The following LRRC4C variants were observed in gnomAD, a reference collection of about 807,000 sequenced individuals.
The protein encoded by LRRC4C is leucine rich repeat containing 4C, also known as leucine-rich repeat-containing protein 4C.
In LRRC4C, 5 loss-of-function variants were observed where a neutral mutation model predicts 33.6. The ratio of observed to expected loss-of-function variants is 0.15; its 90% CI spans 0.08 to 0.31. The LOEUF (loss-of-function observed/expected upper bound fraction) is 0.31, where lower values mean the gene tolerates loss of function less well. Ranked by LOEUF, LRRC4C falls within the 10% of genes least tolerant of loss-of-function variation. LRRC4C has a pLI of 1.00. For synonymous variants in LRRC4C, 329 were observed against 302.0 expected, an observed-to-expected ratio of 1.09 and a Z score of -0.93; for missense variants, 560 against 796.7, an observed-to-expected ratio of 0.70 and a Z score of 3.58.
intron 4 of LRRC4C, among the ~76,000 whole-genome samples, chr11:40,300,346 C>T (rs1443312865): frequency 5.3e-5 from 8 of 152,126 alleles, no homozygotes; most frequent in African/African-American, 1.4e-4. Flanking sequence ...GCTTCATGAA[C>T]GTGGATGTAG....
rs1433492162 is a variant in LRRC4C, at chr11:40,982,774, AT to A, written c.-495-49052del. On this transcript the variant is annotated intron_variant, in intron 1 of 6. Transcript: ENST00000528697. Reference sequence around the variant, plus strand: ...CTATAGATTATTTCATCAACCCAGTATTAAGCCTCGTATCCATTAGTTATTT... The same window carrying A: ...CTATAGATTATTTCATCAACCCAGTATAAGCCTCGTATCCATTAGTTATTT... 7.3e-4 allele frequency among the ~76,000 whole-genome samples: 111 copies of A among 152,224 alleles called. 1 individual carries two copies. Among genetic ancestry groups the A allele is most frequent in the African/African-American group, 2.5e-3 (103 of 41,542 alleles).
rs187796468 is a variant in LRRC4C at position 40,913,296 on chromosome 11, A to G, written c.-407+20339T>C. ...TTCCAAAATTGACCAAATACTTGGA[A>G]GTAAAGCACTCCTCAGCAAATGTAA... On this transcript the variant is annotated intron_variant, in intron 2 of 6. Transcript: ENST00000528697. Among the ~76,000 whole-genome samples, 3 of 152,346 alleles carry G rather than the reference A, an allele frequency of 2.0e-5. No homozygotes were observed. In the East Asian group the frequency reaches 5.8e-4, roughly 29 times the overall value.
intron 2 of LRRC4C, among the ~76,000 whole-genome samples, chr11:40,860,328 A>G (rs759928327): frequency 6.6e-6 from 1 of 152,136 alleles, no homozygotes; most frequent in African/African-American, 2.4e-5. Context: ...CCACCAGCCG[A>G]GTAAGTTACA....
At chr11:40,249,103 G>A (rs553065917) in intron 4 of LRRC4C, among the ~76,000 whole-genome samples, 28 of 152,174 alleles carry the variant, frequency 1.8e-4, no homozygotes, top group African/African-American at 4.6e-4. Context: ...TTTGGGAGGC[G>A]GAGGCCAGTG....
intron 3 of LRRC4C, among the ~76,000 whole-genome samples, chr11:40,605,640 A>G (rs1314152988): frequency 1.3e-5 from 2 of 152,094 alleles, no homozygotes; most frequent in Admixed American, 6.5e-5. Flanking sequence ...ACATATGCCC[A>G]TTTTTCAGAA....
intron 2 of LRRC4C, among the ~76,000 whole-genome samples, chr11:40,768,408 C>A (rs898246535): frequency 2.0e-5 from 3 of 152,034 alleles, no homozygotes; most frequent in African/African-American, 7.2e-5. Context: ...TAATACCAAT[C>A]CTACTCAAAC....
At chr11:41,159,819 G>A (rs567932498) in intron 1 of LRRC4C, among the ~76,000 whole-genome samples, 2 of 152,174 alleles carry the variant, frequency 1.3e-5, no homozygotes, top group South Asian at 2.1e-4. Context: ...AAACAATGCC[G>A]CACCTAGTCA....
chr11:40,506,030 C>A (rs1955018324), intron 3 of LRRC4C, among the ~76,000 whole-genome samples: 1 of 152,122 alleles, frequency 6.6e-6, no homozygotes, highest in Non-Finnish European at 1.5e-5. Flanking sequence ...AAGGTTCAAA[C>A]TACAGACTTA....
chr11:40,526,935 G>C (rs1016449252), intron 3 of LRRC4C, among the ~76,000 whole-genome samples: 2 of 152,084 alleles, frequency 1.3e-5, no homozygotes, highest in African/African-American at 4.8e-5. Flanking sequence ...AGTGAATACA[G>C]GAATAAATCT....
intron 3 of LRRC4C, among the ~76,000 whole-genome samples, chr11:40,621,384 G>C (rs1322281150): frequency 6.6e-6 from 1 of 151,548 alleles, no homozygotes; most frequent in Non-Finnish European, 1.5e-5. Context: ...AACTATTTCT[G>C]GTTGCCTAGA....
intron 3 of LRRC4C, among the ~76,000 whole-genome samples, chr11:40,499,142 G>C (rs775267373): frequency 6.6e-6 from 1 of 152,170 alleles, no homozygotes; most frequent in Non-Finnish European, 1.5e-5. Context: ...CTGCTGGAGA[G>C]AGGATGGGAA....
intron 1 of LRRC4C, among the ~76,000 whole-genome samples, chr11:41,075,025 T>TC (rs1565359450): frequency 8.3e-5 from 1 of 12,014 alleles, no homozygotes; most frequent in Admixed American, 1.2e-3. Context: ...TTTTTTTTTT[T>TC]TTTTTTTTTT....
intron 1 of LRRC4C, among the ~76,000 whole-genome samples, chr11:40,947,181 G>T (rs987670170): frequency 6.6e-6 from 1 of 152,084 alleles, no homozygotes; most frequent in Non-Finnish European, 1.5e-5. Flanking sequence ...AATCATGTAT[G>T]ACTTTTTTAT....
chr11:41,362,277 T>C (rs141256625), intron 1 of LRRC4C, among the ~76,000 whole-genome samples: 1 of 152,154 alleles, frequency 6.6e-6, no homozygotes, highest in East Asian at 1.9e-4. Context: ...ATTTTCTCAA[T>C]CTTTGTGCTA....
chr11:40,991,650 T>TG (rs1345572993), intron 1 of LRRC4C, among the ~76,000 whole-genome samples: 1 of 152,204 alleles, frequency 6.6e-6, no homozygotes, highest in African/African-American at 2.4e-5. Context: ...CAGTCCCATC[T>TG]GGGGGTGATG....
At chr11:40,303,865 G>GCTTT (rs1295403431) in intron 4 of LRRC4C, among the ~76,000 whole-genome samples, 2 of 152,084 alleles carry the variant, frequency 1.3e-5, no homozygotes, top group Non-Finnish European at 2.9e-5. Flanking sequence ...CTGATGAAGT[G>GCTTT]CTTTCAGGTA....
chr11:40,258,304 C>A (rs983828635), intron 4 of LRRC4C, among the ~76,000 whole-genome samples: 8 of 152,114 alleles, frequency 5.3e-5, no homozygotes, highest in African/African-American at 1.2e-4. Flanking sequence ...AACAGTCCAC[C>A]TCAAAAAACA....
intron 3 of LRRC4C, among the ~76,000 whole-genome samples, chr11:40,527,758 T>C (rs996438057): frequency 1.2e-4 from 18 of 150,832 alleles, no homozygotes; most frequent in Non-Finnish European, 4.4e-5. Context: ...AGAAGATAAT[T>C]TTTTTTTTTG....
intron 2 of LRRC4C, among the ~76,000 whole-genome samples, chr11:40,841,982 TTTCCC>T (rs1952936805): frequency 1.3e-5 from 2 of 152,200 alleles, no homozygotes; most frequent in Non-Finnish European, 2.9e-5. Flanking sequence ...TCCCACTCTA[TTTCCC>T]TTCCCTAGCA....
Sources: allele counts gnomAD v4.1 joint callset (sites outside exome capture counted in the v4.1 genomes callset), GRCh38; gene constraint gnomAD v4.1.1; transcripts MANE v1.5; gene names NCBI Gene and HGNC (gene_info 2026-07-23, HGNC 2026-07-21).